EYS: variants seen among roughly 807,000 people sequenced by gnomAD.
The protein encoded by EYS is protein eyes shut homolog.
A neutral mutation model predicts 282.1 loss-of-function variants in EYS; 250 were observed. The ratio of observed to expected loss-of-function variants is 0.89; its 90% confidence interval spans 0.80 to 0.98. The LOEUF (loss-of-function observed/expected upper bound fraction) is 0.98, where lower values mean the gene tolerates loss of function less well. EYS is among the 50% of genes least tolerant of loss of function. The pLI is 0.00. For missense variants in EYS, 4,016 were observed against 3,709.0 expected (o/e 1.08, Z -2.15); for synonymous variants, 1,355 against 1,282.9 (o/e 1.06, Z -1.20).
At chr6:64,259,420 G>T (rs1455642891) in intron 30 of EYS, among the ~76,000 whole-genome samples, 2 of 152,042 alleles carry the variant, frequency 1.3e-5, no homozygotes, top group East Asian at 3.9e-4. Flanking sequence ...CTCTTGAGAT[G>T]TAAATGTTCT....
At chr6:65,306,053 G>T (rs1349458982) in intron 11 of EYS, among the ~76,000 whole-genome samples, 4 of 152,150 alleles carry the variant, frequency 2.6e-5, no homozygotes, top group Non-Finnish European at 5.9e-5. Context: ...TCAAGGTTTA[G>T]ATTTGTGAAG....
chr6:65,301,505 G>A (rs1172845156), intron 11 of EYS, among the ~76,000 whole-genome samples: 1 of 152,318 alleles, frequency 6.6e-6, no homozygotes, highest in East Asian at 1.9e-4. Flanking sequence ...TGCTGCTGCT[G>A]CTGGGAGGAC....
Position 64,200,898 on chromosome 6 carries a change from C to T in EYS, c.6424+29694G>A, listed in dbSNP as rs576052563. Among the ~76,000 whole-genome samples the T allele has an allele frequency of 2.0e-5, 3 of 152,006 alleles. No homozygotes were observed. The South Asian group carries it at 6.5e-4, about 33-fold the overall frequency. ...TGGGATAGTGAGTACTTAGTCTATA[C>T]TTCATTCATATAGGTCTTTTTACTT... is the stretch of plus-strand genomic sequence containing the variant. On this transcript the variant is annotated intron_variant, in intron 31 of 42. Coordinates refer to ENST00000503581, the MANE Select transcript of EYS (RefSeq NM_001142800.2).
intron 30 of EYS, among the ~76,000 whole-genome samples, chr6:64,247,105 T>G (rs930254184): frequency 5.3e-5 from 8 of 152,230 alleles, no homozygotes; most frequent in Non-Finnish European, 8.8e-5. Flanking sequence ...CATTTCAATA[T>G]GGAGAGATAA....
rs141206768 is a variant in EYS, at chr6:64,614,350, C to T, written c.3684+3068G>A. Among the ~76,000 whole-genome samples, 298 of 152,076 alleles carry T rather than the reference C, an allele frequency of 2.0e-3. 3 individuals are homozygous for T. Among genetic ancestry groups the T allele is most frequent in the African/African-American group, 6.5e-3 (268 of 41,502 alleles). ...GGCCTATTTATCTGAGTTCCTTTTACGCAATGCATCATGTGTTTAAATATA... is the reference window on the plus strand; with the variant it reads ...GGCCTATTTATCTGAGTTCCTTTTATGCAATGCATCATGTGTTTAAATATA... On this transcript the variant is annotated intron_variant, in intron 24 of 42. Transcript: ENST00000503581.
chr6:65,509,561 T>G (rs1167131741), intron 2 of EYS, among the ~76,000 whole-genome samples: 1 of 152,226 alleles, frequency 6.6e-6, no homozygotes, highest in African/African-American at 2.4e-5. Flanking sequence ...TTGGGTTTTT[T>G]GTTTTTGTAT....
intron 26 of EYS, among the ~76,000 whole-genome samples, chr6:64,498,791 T>A (rs1328363343): frequency 1.3e-5 from 2 of 152,186 alleles, no homozygotes; most frequent in African/African-American, 4.8e-5. Context: ...GCAAAGGACA[T>A]AAACTCATCC....
chr6:65,041,306 C>T lies in EYS; in HGVS notation c.2137+16308G>A, dbSNP rs544758930. Among the ~76,000 whole-genome samples the T allele has an allele frequency of 5.3e-5, 8 of 151,750 alleles. 1 individual carries two copies. The highest frequency in any genetic ancestry group is 1.9e-4 in the African/African-American group (8 of 41,492). On this transcript the variant is annotated intron_variant, in intron 13 of 42. Transcript: ENST00000503581. The stretch of plus-strand genomic sequence containing the variant: ...AATAATTTTCTTAGCCAGCTTCCTG[C>T]CAGACACACAAATCTCTCAGAATTA...
intron 2 of EYS, among the ~76,000 whole-genome samples, chr6:65,517,351 A>C (rs1290555625): frequency 2.0e-5 from 3 of 151,410 alleles, no homozygotes; most frequent in South Asian, 2.1e-4. Context: ...CAAAAAAAAA[A>C]CAAAAGCTCA....
chr6:65,492,303 GAA>G (rs1319742664), intron 4 of EYS, among the ~76,000 whole-genome samples: 1 of 134,542 alleles, frequency 7.4e-6, no homozygotes, highest in East Asian at 2.2e-4. Flanking sequence ...GTAAGAAAGA[GAA>G]AGAGAGAGAA....
intron 26 of EYS, among the ~76,000 whole-genome samples, chr6:64,458,000 G>A (rs182906266): frequency 6.6e-6 from 1 of 152,000 alleles, no homozygotes; most frequent in East Asian, 1.9e-4. Context: ...AAAAAATTTT[G>A]TAGTTATAAT....
intron 35 of EYS, among the ~76,000 whole-genome samples, chr6:63,958,913 C>T (rs1346918792): frequency 6.6e-6 from 1 of 152,168 alleles, no homozygotes; most frequent in African/African-American, 2.4e-5. Flanking sequence ...GACAATGCAC[C>T]TGGACACTCA....
At chr6:65,382,215 T>TG (rs1765639697) in intron 8 of EYS, among the ~76,000 whole-genome samples, 1 of 128,700 alleles carries the variant, frequency 7.8e-6, no homozygotes, top group Admixed American at 8.3e-5. Flanking sequence ...CCTTTGGTGT[T>TG]TTTTTTTTTT....
Position 63,911,419 on chromosome 6 carries a change from C to T in EYS, c.7056-47061G>A, listed in dbSNP as rs996647567. Among the ~76,000 whole-genome samples the T allele has an allele frequency of 3.7e-4, 57 of 152,196 alleles. 2 individuals carry two copies. The highest frequency in any genetic ancestry group is 2.9e-5 in the Non-Finnish European group (2 of 68,022). Reference sequence around the variant, plus strand: ...AAATAGGAAATCAAGTAAAAACAAACTAATAAGTGAACAGCCTGACACAGG... The same window carrying T: ...AAATAGGAAATCAAGTAAAAACAAATTAATAAGTGAACAGCCTGACACAGG... On this transcript the variant is annotated intron_variant, in intron 35 of 42. Coordinates refer to ENST00000503581, the MANE Select transcript of EYS (RefSeq NM_001142800.2).
At chr6:64,239,522 CAT>C (rs1281472412) in intron 30 of EYS, among the ~76,000 whole-genome samples, 3 of 151,802 alleles carry the variant, frequency 2.0e-5, no homozygotes, top group Admixed American at 6.6e-5. Flanking sequence ...AGCTTTTTTT[CAT>C]ATGTTTGTTG....
chr6:64,622,561 G>A (rs1386002734), intron 23 of EYS, among the ~76,000 whole-genome samples: 3 of 152,262 alleles, frequency 2.0e-5, no homozygotes, highest in Middle Eastern at 3.4e-3. Context: ...GTACTAAAAT[G>A]AAGAGGGAAG....
intron 12 of EYS, among the ~76,000 whole-genome samples, chr6:65,109,893 G>C (rs1189243849): frequency 6.6e-6 from 1 of 152,034 alleles, no homozygotes; most frequent in Non-Finnish European, 1.5e-5. Context: ...TTTCTTCAGG[G>C]ATTTGTTCAC....
At chr6:64,695,146 C>T (rs1033085494) in intron 22 of EYS, among the ~76,000 whole-genome samples, 10 of 152,166 alleles carry the variant, frequency 6.6e-5, no homozygotes, top group Admixed American at 5.2e-4. Flanking sequence ...CCAACCCACC[C>T]TAGAGGCAGA....
chr6:65,441,324 T>G (rs1027153352), intron 5 of EYS, among the ~76,000 whole-genome samples: 4 of 151,998 alleles, frequency 2.6e-5, no homozygotes, highest in Non-Finnish European at 5.9e-5. Flanking sequence ...TTTAATATTT[T>G]TGCACTATAT....
Sources: gnomAD v4.1 joint callset for allele counts (sites outside exome capture counted in the v4.1 genomes callset) on GRCh38, gnomAD v4.1.1 for gene constraint, MANE v1.5 for transcripts, NCBI Gene and HGNC (gene_info 2026-07-23, HGNC 2026-07-21) for gene names.